UBR3: variants seen among roughly 807,000 people sequenced by gnomAD.
The protein encoded by UBR3 is ubiquitin protein ligase E3 component n-recognin 3.
UBR3 carries 85 observed loss-of-function variants against 243.2 expected under a neutral mutation model. That is an observed-to-expected ratio of 0.35 (90% CI 0.29 to 0.42). The LOEUF (loss-of-function observed/expected upper bound fraction) is 0.42. UBR3 is among the 10% of genes least tolerant of loss of function. UBR3 has a pLI of 1.00. For synonymous variants in UBR3, 748 were observed against 799.8 expected (o/e 0.94, Z 1.09); for missense variants, 1,686 against 2,300.8 (o/e 0.73, Z 5.47).
chr2:169,902,987 C>A (rs2084888215), intron 8 of UBR3, among the ~76,000 whole-genome samples: 1 of 152,202 alleles, frequency 6.6e-6, no homozygotes, highest in Non-Finnish European at 1.5e-5. Flanking sequence ...GCCCTTATCA[C>A]ATTCTGCCTT....
chr2:169,965,641 A>C (rs2087771504), intron 24 of UBR3, among the ~76,000 whole-genome samples: 1 of 152,184 alleles, frequency 6.6e-6, no homozygotes, highest in South Asian at 2.1e-4. Context: ...ACAGCAGTTG[A>C]TCTGATAACA....
chr2:170,012,295 A>G (rs958317185), intron 29 of UBR3, among the ~76,000 whole-genome samples: 7 of 152,188 alleles, frequency 4.6e-5, no homozygotes, highest in Admixed American at 2.6e-4. Context: ...ATAAACTGCA[A>G]GGGCTAAAGA....
At chr2:170,049,556 T>A (rs190414791) in intron 32 of UBR3, among the ~76,000 whole-genome samples, 6,111 of 152,276 alleles carry the variant, frequency 0.04, 175 homozygotes, top group East Asian at 0.1. Flanking sequence ...GGGGGATTAC[T>A]ATTTCAAAGG....
chr2:169,970,464 TCCCTCCC>T (rs1466487899), intron 24 of UBR3, among the ~76,000 whole-genome samples: 3 of 92,342 alleles, frequency 3.2e-5, no homozygotes, highest in African/African-American at 8.9e-5. Context: ...CCCAATGCTA[TCCCTCCC>T]CCCTCCCCCC....
At chr2:169,918,096 C>G (rs888650406) in intron 11 of UBR3, among the ~76,000 whole-genome samples, 4 of 152,096 alleles carry the variant, frequency 2.6e-5, no homozygotes, top group African/African-American at 9.7e-5. Flanking sequence ...AATGACTTGC[C>G]TATTGTTATG....
At chr2:170,077,898 C>T in intron 36 of UBR3, 1 of 472,848 alleles carries the variant, frequency 2.1e-6, no homozygotes, top group South Asian at 2.1e-5. Flanking sequence ...GTTCAAATAA[C>T]TCTTAACACT....
At chr2:169,995,039 C>T (rs943246670) in intron 26 of UBR3, among the ~76,000 whole-genome samples, 1 of 151,968 alleles carries the variant, frequency 6.6e-6, no homozygotes, top group South Asian at 2.1e-4. Context: ...TGACTGTGAA[C>T]TGGAATAAGT....
chr2:169,919,368 GA>G (rs1392699229), intron 11 of UBR3, among the ~76,000 whole-genome samples: 12 of 152,200 alleles, frequency 7.9e-5, no homozygotes, highest in African/African-American at 2.4e-4. Flanking sequence ...AATGCAAGGG[GA>G]AAAAATAATT....
At chr2:170,005,597 G>A (rs940010229) in intron 27 of UBR3, among the ~76,000 whole-genome samples, 10 of 152,154 alleles carry the variant, frequency 6.6e-5, no homozygotes, top group African/African-American at 2.2e-4. Context: ...TTGGTAGTCA[G>A]AATATAAGAT....
intron 34 of UBR3, 51 bp downstream of exon 34, chr2:170,061,237 A>C (rs761518260): frequency 6.3e-7 from 1 of 1,580,628 alleles, no homozygotes; most frequent in African/African-American, 1.4e-5. Flanking sequence ...AAAAATTTAC[A>C]TTTTCTTGCC....
At chr2:169,931,001 G>A (rs937459712) in intron 18 of UBR3, among the ~76,000 whole-genome samples, 1 of 152,144 alleles carries the variant, frequency 6.6e-6, no homozygotes, top group Non-Finnish European at 1.5e-5. Context: ...CTAAGGTTGT[G>A]CAATTCTGAT....
chr2:170,056,679 G>T (rs936200195), intron 33 of UBR3, among the ~76,000 whole-genome samples: 1 of 152,092 alleles, frequency 6.6e-6, no homozygotes, highest in East Asian at 1.9e-4. Context: ...ATATCTACTT[G>T]TATCAAAGGA....
At chr2:169,849,584 G>A (rs964052993) in intron 1 of UBR3, among the ~76,000 whole-genome samples, 4 of 152,068 alleles carry the variant, frequency 2.6e-5, no homozygotes, top group Admixed American at 6.5e-5. Context: ...CATGAGCCAC[G>A]GTGCCCGGCC....
At chr2:169,943,779 G>T (rs1394273276) in intron 20 of UBR3, among the ~76,000 whole-genome samples, 2 of 151,956 alleles carry the variant, frequency 1.3e-5, no homozygotes, top group Non-Finnish European at 2.9e-5. Flanking sequence ...GAGAATATTT[G>T]TTATACAAAT....
intron 1 of UBR3, among the ~76,000 whole-genome samples, chr2:169,851,875 T>C (rs137897435): frequency 7.3e-5 from 11 of 151,292 alleles, no homozygotes; most frequent in African/African-American, 2.2e-4. Context: ...GTGACAGAGC[T>C]GGGGCCCAGG....
At chr2:169,837,189 C>G (rs1399779776) in intron 1 of UBR3, among the ~76,000 whole-genome samples, 3 of 152,174 alleles carry the variant, frequency 2.0e-5, no homozygotes, top group Admixed American at 2.0e-4. Context: ...CTATAAAGAA[C>G]TGCCTGAACG....
intron 29 of UBR3, 46 bp downstream of exon 29, chr2:170,008,986 G>A: frequency 1.7e-6 from 2 of 1,203,406 alleles, no homozygotes; most frequent in African/African-American, 3.2e-5. Flanking sequence ...ACTATTAATA[G>A]TTGATTTTAT....
At chr2:169,890,291 T>A (rs1269912537) in intron 5 of UBR3, among the ~76,000 whole-genome samples, 1 of 152,020 alleles carries the variant, frequency 6.6e-6, no homozygotes, top group Non-Finnish European at 1.5e-5. Context: ...TCCTCTTCCC[T>A]CTGCATTGTC....
chr2:169,967,244 CCTACAGGGTATGCG>C (rs2087858891), intron 24 of UBR3, among the ~76,000 whole-genome samples: 2 of 112,168 alleles, frequency 1.8e-5, no homozygotes, highest in Non-Finnish European at 1.9e-5. Flanking sequence ...CCCCCACCCC[CCTACAGGGTATGCG>C]CCCCCCGCCC....
Sources: gnomAD v4.1 joint callset for allele counts (sites outside exome capture counted in the v4.1 genomes callset) on GRCh38, gnomAD v4.1.1 for gene constraint, MANE v1.5 for transcripts, NCBI Gene and HGNC (gene_info 2026-07-23, HGNC 2026-07-21) for gene names.